KBTBD11: variants seen among roughly 807,000 people sequenced by gnomAD.
KBTBD11 encodes kelch repeat and BTB domain containing 11, also known as kelch repeat and BTB domain-containing protein 11.
For synonymous variants in KBTBD11, 747 were observed against 499.0 expected, an observed-to-expected ratio of 1.50 and a Z score of -6.63; for missense variants, 1,390 against 1,001.8, an observed-to-expected ratio of 1.39 and a Z score of -5.23.
Position 2,001,767 on chromosome 8 carries a change from A to G in KBTBD11, c.575A>G (p.Tyr192Cys). The G allele has an allele frequency of 1.6e-6, 2 of 1,289,342 alleles. No homozygotes were observed. Among genetic ancestry groups the G allele is most frequent in the Non-Finnish European group, 2.0e-6 (2 of 1,021,336 alleles). 79.9% of individuals were successfully genotyped at this position (1,289,342 alleles called of 1,614,324 possible). Residue 192 changes from tyrosine (Y) to cysteine (C), a missense_variant, in exon 2 of 2, where the codon TAC (tyrosine) becomes TGC (cysteine). By Grantham distance (194) the Tyr-to-Cys change is radical. Coordinates refer to ENST00000320248, the MANE Select transcript of KBTBD11 (RefSeq NM_014867.3). ...CTGCGGCTGCTCCTCGCCGACGCCT[A>G]CAGCGGGCGCATGGCGGGCGTGCGG... Reference protein sequence around the residue: ...TALRLLLADAYSGRMAGVRPD... With the variant: ...TALRLLLADACSGRMAGVRPD...
chr8:1,992,798 A>G (rs1435055621), intron 1 of KBTBD11, among the ~76,000 whole-genome samples: 4 of 152,094 alleles, frequency 2.6e-5, no homozygotes, highest in Admixed American at 2.0e-4. Context: ...CTGTAATCCA[A>G]CATCCAGATA....
At chr8:1,974,481 C>A (rs140067315) in intron 1 of KBTBD11, 1 of 984,774 alleles carries the variant, frequency 1.0e-6, no homozygotes, top group Non-Finnish European at 1.2e-6. Context: ...CCGGAGCGAA[C>A]GGGGGTCTCT....
intron 1 of KBTBD11, among the ~76,000 whole-genome samples, chr8:1,978,477 G>C (rs570417273): frequency 5.2e-4 from 79 of 152,340 alleles, no homozygotes; most frequent in African/African-American, 1.8e-3. Flanking sequence ...CCCTGTCACT[G>C]TGTGACCGTC....
intron 1 of KBTBD11, among the ~76,000 whole-genome samples, chr8:1,996,636 T>A (rs1042701535): frequency 6.6e-6 from 1 of 151,512 alleles, no homozygotes; most frequent in South Asian, 2.1e-4. Context: ...ACGCATTCTT[T>A]AAAAAAAAAT....
intron 1 of KBTBD11, among the ~76,000 whole-genome samples, chr8:1,978,556 G>A (rs1379416343): frequency 6.6e-6 from 1 of 152,188 alleles, no homozygotes; most frequent in African/African-American, 2.4e-5. Context: ...GGGTCACCAC[G>A]GACTGTGACC....
chr8:2,001,174 A>T lies in KBTBD11; in HGVS notation c.-19A>T. 7.7e-7 allele frequency: 1 copy of T among 1,298,084 alleles called. No individual in the cohort carries two copies. Among genetic ancestry groups the T allele is most frequent in the African/African-American group, 1.6e-5 (1 of 64,476 alleles). 80.4% of individuals were successfully genotyped at this position (1,298,084 alleles called of 1,614,324 possible). The stretch of plus-strand genomic sequence containing the variant: ...TGCGGAACCGGGGGCGCGCGGGCGC[A>T]GCGCAGCACAGCCCGGCCATGGAGC... On this transcript the variant is annotated 5_prime_UTR_variant, in exon 2 of 2. Coordinates refer to ENST00000320248, the MANE Select transcript of KBTBD11 (RefSeq NM_014867.3).
chr8:1,985,657 A>G (rs1357752737), intron 1 of KBTBD11, among the ~76,000 whole-genome samples: 1 of 152,260 alleles, frequency 6.6e-6, no homozygotes, highest in Non-Finnish European at 1.5e-5. Flanking sequence ...TTAGAGAAAA[A>G]CACGAAATAA....
chr8:1,993,363 A>ATCCATCTC (rs1816990670), intron 1 of KBTBD11, among the ~76,000 whole-genome samples: 1 of 143,150 alleles, frequency 7.0e-6, no homozygotes, highest in Non-Finnish European at 1.6e-5. Context: ...CCATCGGTCC[A>ATCCATCTC]TCCGTCCGTC....
rs140068257 is a variant in KBTBD11, at chr8:1,977,155, C to T, written c.-909+3220C>T. 4.4e-3 allele frequency among the ~76,000 whole-genome samples: 668 copies of T among 151,948 alleles called. 7 individuals carry two copies. The highest frequency in any genetic ancestry group is 0.016 in the African/African-American group (645 of 41,454). The stretch of plus-strand genomic sequence containing the variant: ...TTATGTGTGACCCAAGACAATTCTT[C>T]CAGTGTGGCCCACGGAAGCCAAAAG... On this transcript the variant is annotated intron_variant, in intron 1 of 1. Coordinates refer to ENST00000320248, the MANE Select transcript of KBTBD11 (RefSeq NM_014867.3).
chr8:1,980,549 C>T (rs1047858583), intron 1 of KBTBD11, among the ~76,000 whole-genome samples: 2 of 152,354 alleles, frequency 1.3e-5, no homozygotes, highest in Non-Finnish European at 2.9e-5. Flanking sequence ...TTAAAATGAG[C>T]TCCATGAAGC....
chr8:1,983,077 C>T (rs777890237), intron 1 of KBTBD11, among the ~76,000 whole-genome samples: 1 of 152,130 alleles, frequency 6.6e-6, no homozygotes, highest in African/African-American at 2.4e-5. Context: ...ACCCAGTCCC[C>T]TCCTGCCACA....
intron 1 of KBTBD11, among the ~76,000 whole-genome samples, chr8:1,997,701 G>A (rs1249811152): frequency 6.6e-6 from 1 of 152,256 alleles, no homozygotes; most frequent in East Asian, 1.9e-4. Context: ...TGGTGGACAG[G>A]GAGCTGCTGG....
At chr8:1,978,661 G>A (rs559932705) in intron 1 of KBTBD11, among the ~76,000 whole-genome samples, 9 of 152,340 alleles carry the variant, frequency 5.9e-5, no homozygotes, top group African/African-American at 2.2e-4. Flanking sequence ...CTGCCACGTA[G>A]AAGGGGAGGG....
chr8:1,993,881 C>T (rs1454596740), intron 1 of KBTBD11, among the ~76,000 whole-genome samples: 1 of 150,410 alleles, frequency 6.6e-6, no homozygotes, highest in Non-Finnish European at 1.5e-5. Flanking sequence ...TCAAGAATTG[C>T]ACAGGCAAAA....
chr8:1,975,084 A>G (rs1251942453), intron 1 of KBTBD11: 1 of 152,246 alleles, frequency 6.6e-6, no homozygotes, highest in Non-Finnish European at 1.5e-5. Context: ...TATTATTAGA[A>G]TAATCCTCCC....
At position 2,001,534 on chromosome 8, in the gene KBTBD11, TGAG is replaced by T. The variant is rs1302407765; in HGVS notation, c.345_347del (p.Glu115del). ...CGTCCCCCGAACCGCGCGTTTGGCT[TGAG>T]GACCCCGCGTCCCCCGAGGAGCCCG... On this transcript the variant is annotated inframe_deletion, in exon 2 of 2. Coordinates refer to ENST00000320248, the MANE Select transcript of KBTBD11 (RefSeq NM_014867.3). The T allele has an allele frequency of 1.3e-5, 18 of 1,431,652 alleles. No homozygotes were observed. Among genetic ancestry groups the T allele is most frequent in the South Asian group, 1.2e-4 (9 of 72,214 alleles). The allele number at this position is 1,431,652 out of a possible 1,614,324, so 88.7% of individuals were successfully genotyped here. A position where few individuals can be genotyped will look rare whatever the true frequency, so the allele number is the denominator to read the frequency against.
At position 1,995,740 on chromosome 8, in the gene KBTBD11, C is replaced by T. The variant is rs141045616; in HGVS notation, c.-908-4545C>T. On this transcript the variant is annotated intron_variant, in intron 1 of 1. Transcript: ENST00000320248. ...CAATACATTGAATCAAAGAGAAATC[C>T]TGACCGGGCATGGTGGCTCACACCT... Among the ~76,000 whole-genome samples the T allele has an allele frequency of 7.5e-3, 1,140 of 152,228 alleles. 20 individuals are homozygous for T. The highest frequency in any genetic ancestry group is 0.025 in the African/African-American group (1,027 of 41,520).
chr8:2,001,688 C>G lies in KBTBD11; in HGVS notation c.496C>G (p.Arg166Gly), dbSNP rs992358430. The G allele has an allele frequency of 2.1e-6, 3 of 1,426,064 alleles. No homozygotes were observed. Among genetic ancestry groups the G allele is most frequent in the East Asian group, 3.0e-5 (1 of 32,896 alleles). 88.3% of individuals were successfully genotyped at this position (1,426,064 alleles called of 1,614,324 possible). A position where few individuals can be genotyped will look rare whatever the true frequency, so the allele number is the denominator to read the frequency against. ...AVLAARSDYFRARASRDVLRV... is the reference protein window; with the variant it reads ...AVLAARSDYFGARASRDVLRV... ...GCTGGCGGCGCGCAGCGACTACTTC[C>G]GCGCGCGCGCGTCGCGGGACGTGCT... Residue 166 changes from arginine to glycine, a missense_variant, in exon 2 of 2, where the codon CGC (arginine) becomes GGC (glycine). Transcript: ENST00000320248.
chr8:1,976,678 G>C (rs944850857), intron 1 of KBTBD11, among the ~76,000 whole-genome samples: 4 of 152,084 alleles, frequency 2.6e-5, no homozygotes, highest in African/African-American at 9.7e-5. Context: ...TACAGTGAAA[G>C]GCATTCAGCA....
Sources: allele counts gnomAD v4.1 joint callset (sites outside exome capture counted in the v4.1 genomes callset), GRCh38; gene constraint gnomAD v4.1.1; transcripts MANE v1.5; gene names NCBI Gene and HGNC (gene_info 2026-07-23, HGNC 2026-07-21).